The following EPB41L3 variants were observed in gnomAD, a reference collection of about 807,000 sequenced individuals.
EPB41L3 encodes erythrocyte membrane protein band 4.1 like 3, also known as band 4.1-like protein 3.
In EPB41L3, 57 loss-of-function variants were observed where a neutral mutation model predicts 127.1. That is an observed-to-expected ratio of 0.45 (90% CI 0.36 to 0.56). EPB41L3 has a LOEUF of 0.56. Ranked by LOEUF, EPB41L3 falls within the 20% of genes least tolerant of loss-of-function variation. The pLI, the probability that EPB41L3 is intolerant of heterozygous loss-of-function variation, is 0.00. For synonymous variants in EPB41L3, 572 were observed against 549.5 expected, an observed-to-expected ratio of 1.04 and a Z score of -0.57; for missense variants, 1,273 against 1,372.2, an observed-to-expected ratio of 0.93 and a Z score of 1.14.
intron 1 of EPB41L3, among the ~76,000 whole-genome samples, chr18:5,520,522 T>C (rs1301920793): frequency 6.8e-6 from 1 of 147,920 alleles, no homozygotes. Context: ...TTCCAAGTTG[T>C]ATCACCCATG....
chr18:5,402,030 T>G (rs144963250), intron 16 of EPB41L3, among the ~76,000 whole-genome samples: 1 of 152,082 alleles, frequency 6.6e-6, no homozygotes, highest in Non-Finnish European at 1.5e-5. Context: ...AATCTACCAG[T>G]ACTACATTTA....
In EPB41L3 at chr18:5,418,683, A is replaced by C. The variant is rs538251789; in HGVS notation, c.1506+1028T>G. Reference sequence around the variant, plus strand: ...TTGCCAAATAAATAATCTTATCCCAAAAAATAAAAGATGATGGATTGGGCC... The same window carrying C: ...TTGCCAAATAAATAATCTTATCCCACAAAATAAAAGATGATGGATTGGGCC... On this transcript the variant is annotated intron_variant, in intron 12 of 22. Transcript: ENST00000341928. Among the ~76,000 whole-genome samples the C allele has an allele frequency of 2.0e-5, 3 of 152,328 alleles. No homozygotes were observed. In the East Asian group the frequency reaches 5.8e-4, roughly 29 times the overall value.
rs769159490 is a variant in EPB41L3 at position 5,419,733 on chromosome 18, G to A, written c.1484C>T (p.Ser495Leu). The A allele has an allele frequency of 9.3e-5, 150 of 1,614,140 alleles. No homozygotes were observed. The Middle Eastern group carries it at 1.3e-3, about 14-fold the overall frequency. Reference sequence around the variant, plus strand: ...TACCTTTCCCTCGTGCCGGATGGCCGAGATGGGCGTGACTTCTTCCCCCTT... The same window carrying A: ...TACCTTTCCCTCGTGCCGGATGGCCAAGATGGGCGTGACTTCTTCCCCCTT... Reference protein sequence around the residue: ...RRKGEEVTPISAIRHEGKSPG... With the variant: ...RRKGEEVTPILAIRHEGKSPG... The change falls in exon 12 of 23, where the codon TCG becomes TTG. Residue 495 changes from serine to leucine, a missense_variant. Transcript: ENST00000341928.
intron 3 of EPB41L3, among the ~76,000 whole-genome samples, chr18:5,593,160 T>C (rs911864103): frequency 2.6e-5 from 4 of 152,264 alleles, no homozygotes; most frequent in Middle Eastern, 3.4e-3. Context: ...TAGCATTGCG[T>C]AGACACGGTT....
At position 5,527,761 on chromosome 18, in the gene EPB41L3, T is replaced by C. The variant is rs1339431507; in HGVS notation, c.-12+16152A>G. Among the ~76,000 whole-genome samples, 6 of 152,240 alleles carry C rather than the reference T, an allele frequency of 3.9e-5. No homozygotes were observed. In the East Asian group the frequency reaches 9.7e-4, roughly 25 times the overall value. On this transcript the variant is annotated intron_variant, in intron 1 of 22. Coordinates refer to ENST00000341928, the MANE Select transcript of EPB41L3 (RefSeq NM_012307.5). ...CAGCTGTGAAAACGCAGAGGAAGAATGTTCCAGGCCGAGGGCTCGGCAAGT... is the reference window on the plus strand; with the variant it reads ...CAGCTGTGAAAACGCAGAGGAAGAACGTTCCAGGCCGAGGGCTCGGCAAGT...
intron 1 of EPB41L3, among the ~76,000 whole-genome samples, chr18:5,516,820 G>C (rs913220548): frequency 1.3e-5 from 2 of 152,172 alleles, no homozygotes; most frequent in East Asian, 1.9e-4. Context: ...TAAAACCAGA[G>C]TATGGAAAGG....
upstream of EPB41L3, among the ~76,000 whole-genome samples, chr18:5,548,563 TGG>T (rs2093918473): frequency 6.6e-6 from 1 of 152,220 alleles, no homozygotes; most frequent in Non-Finnish European, 1.5e-5. Context: ...GACTTAAAGG[TGG>T]ACCCATACAT....
At chr18:5,477,882 A>G (rs2322101) in intron 3 of EPB41L3, among the ~76,000 whole-genome samples, 114,688 of 152,100 alleles carry the variant, frequency 0.75, 43,489 homozygotes, top group East Asian at 0.85. Context: ...AACAAGTGAC[A>G]TGGCCATAAA....
intron 1 of EPB41L3, among the ~76,000 whole-genome samples, chr18:5,495,033 G>A (rs892719900): frequency 1.3e-5 from 2 of 152,200 alleles, no homozygotes; most frequent in African/African-American, 4.8e-5. Flanking sequence ...TGAAGGGGCA[G>A]CCGGGACAAG....
intron 1 of EPB41L3, among the ~76,000 whole-genome samples, chr18:5,520,950 C>T (rs568324465): frequency 3.3e-5 from 5 of 152,130 alleles, no homozygotes; most frequent in African/African-American, 4.8e-5. Flanking sequence ...AAAAAACAAA[C>T]GCAGAAAGAG....
At chr18:5,400,043 A>T (rs1567982961) in intron 16 of EPB41L3, 1 of 155,214 alleles carries the variant, frequency 6.4e-6, no homozygotes, top group Non-Finnish European at 1.4e-5. Context: ...GGGTCTCCCT[A>T]TGTTGCCCAG....
At chr18:5,595,659 C>T (rs1054681406) in intron 3 of EPB41L3, among the ~76,000 whole-genome samples, 23 of 152,076 alleles carry the variant, frequency 1.5e-4, no homozygotes, top group African/African-American at 5.6e-4. Context: ...TCAAACAGTG[C>T]CTTCCCCATC....
chr18:5,430,376 G>A (rs2078826207), intron 8 of EPB41L3, among the ~76,000 whole-genome samples: 1 of 152,052 alleles, frequency 6.6e-6, no homozygotes, highest in Admixed American at 6.5e-5. Flanking sequence ...TACCTTGCAT[G>A]CATGAAGCCA....
chr18:5,623,938 A>G (rs992216719), intron 1 of EPB41L3, among the ~76,000 whole-genome samples: 1 of 152,072 alleles, frequency 6.6e-6, no homozygotes, highest in African/African-American at 2.4e-5. Flanking sequence ...ATTATAGGCA[A>G]TGTTTTCATT....
At chr18:5,630,244 C>T (rs2094978518), upstream of EPB41L3, 2 of 397,568 alleles carry the variant, frequency 5.0e-6, no homozygotes, top group East Asian at 7.1e-5. Context: ...GTCGGGCCAG[C>T]CTCGCCCCTT....
Position 5,478,408 on chromosome 18 carries a change from T to C in EPB41L3, c.214A>G (p.Arg72Gly), listed in dbSNP as rs1005045804. The change falls in exon 3 of 23, where the codon AGG (arginine) becomes GGG (glycine). Residue 72 changes from arginine (R) to glycine (G), a missense_variant. Physicochemically the swap from Arg to Gly is moderately radical, Grantham distance 125. Around this residue, in one of 3 missense-constraint regions of EPB41L3, gnomAD observed 182 missense variants for 149.2 expected, o/e 1.22. Coordinates refer to ENST00000341928, the MANE Select transcript of EPB41L3 (RefSeq NM_012307.5). ...VTDKEQEFAA[R>G]AAKQLEYQQL... Reference sequence around the variant, plus strand: ...TGATATTCGAGCTGTTTTGCAGCCCTGGCAGCAAACTCCTGTTCCTTGTCA... The same window carrying C: ...TGATATTCGAGCTGTTTTGCAGCCCCGGCAGCAAACTCCTGTTCCTTGTCA... 6 of 1,614,208 alleles carry C rather than the reference T, an allele frequency of 3.7e-6. No homozygotes were observed. The East Asian group carries it at 6.7e-5, about 18-fold the overall frequency.
At chr18:5,533,586 G>C (rs2093477739) in intron 1 of EPB41L3, among the ~76,000 whole-genome samples, 1 of 152,112 alleles carries the variant, frequency 6.6e-6, no homozygotes, top group Admixed American at 6.5e-5. Context: ...ACATAGCTCA[G>C]TATGATTTTG....
At chr18:5,619,923 G>C (rs2094841303) in intron 1 of EPB41L3, among the ~76,000 whole-genome samples, 1 of 152,096 alleles carries the variant, frequency 6.6e-6, no homozygotes. Flanking sequence ...GCAATAGATT[G>C]TTATTAGATC....
intron 1 of EPB41L3, among the ~76,000 whole-genome samples, chr18:5,537,544 T>C (rs1021776254): frequency 1.3e-5 from 2 of 152,060 alleles, no homozygotes; most frequent in Non-Finnish European, 2.9e-5. Flanking sequence ...CCAGAAAAAA[T>C]ATTCTTCTTC....
Sources: allele counts gnomAD v4.1 joint callset (sites outside exome capture counted in the v4.1 genomes callset), GRCh38; gene constraint gnomAD v4.1.1; regional missense constraint gnomAD v4.1.1; transcripts MANE v1.5; gene names NCBI Gene and HGNC (gene_info 2026-07-23, HGNC 2026-07-21).